GTF2H2C: variants seen among roughly 807,000 people sequenced by gnomAD.
GTF2H2C encodes the protein general transcription factor IIH subunit 2-like protein.
A neutral mutation model predicts 24.8 loss-of-function variants in GTF2H2C; 5 were observed. The ratio of observed to expected loss-of-function variants is 0.20; its 90% CI spans 0.11 to 0.42. GTF2H2C has a LOEUF of 0.42. Among genes scored for constraint, GTF2H2C ranks in the 20% least tolerant of loss-of-function variants. The pLI is 1.00. For missense variants in GTF2H2C, 45 were observed against 169.8 expected, an observed-to-expected ratio of 0.27 and a Z score of 4.08; for synonymous variants, 14 against 52.6, an observed-to-expected ratio of 0.27 and a Z score of 3.18.
At position 69,571,362 on chromosome 5, in the gene GTF2H2C, AT is replaced by A. The variant is rs1344367885; in HGVS notation, c.365-1082del. Among the ~76,000 whole-genome samples the A allele has an allele frequency of 1.6e-3, 71 of 43,522 alleles. 1 individual carries two copies. Among genetic ancestry groups the A allele is most frequent in the African/African-American group, 4.2e-3 (61 of 14,372 alleles). 28.6% of individuals were successfully genotyped at this position (43,522 alleles called of 152,430 possible). ...ATCTAAATATAAATAATATAAAAAAATATTATATTAAAAAGAAAAAAAAGGA... is the reference window on the plus strand; with the variant it reads ...ATCTAAATATAAATAATATAAAAAAAATTATATTAAAAAGAAAAAAAAGGA... On this transcript the variant is annotated intron_variant, in intron 8 of 16. Transcript: ENST00000380729.
intron 15 of GTF2H2C, among the ~76,000 whole-genome samples, chr5:69,586,732 AC>A (rs377112207): frequency 0.15 from 2,297 of 14,848 alleles, 2 homozygotes; most frequent in Admixed American, 0.21. Flanking sequence ...TACATATTTA[AC>A]AATATATCCT....
At chr5:69,561,154 G>A (rs1770310380) in intron 1 of GTF2H2C, among the ~76,000 whole-genome samples, 1 of 151,988 alleles carries the variant, frequency 6.6e-6, no homozygotes, top group Admixed American at 6.6e-5. Context: ...CCTTTAAACA[G>A]CATGCATGTT....
At position 69,560,273 on chromosome 5, in the gene GTF2H2C, C is replaced by G. The variant is rs1283380053; in HGVS notation, c.-262C>G. ...TCCGCGTGTGGAAGTCTGTGAGGCG[C>G]AGAGGTGGGGCAGGCCGTCTGACTA... On this transcript the variant is annotated 5_prime_UTR_variant, in exon 1 of 17. Coordinates refer to ENST00000380729, the MANE Select transcript of GTF2H2C (RefSeq NM_001376000.2). 1 of 152,394 alleles carries G rather than the reference C, an allele frequency of 6.6e-6. No homozygotes were observed. Among genetic ancestry groups the G allele is most frequent in the African/African-American group, 2.4e-5 (1 of 41,342 alleles). The allele number at this position is 152,394 out of a possible 1,614,324, so 9.4% of individuals were successfully genotyped here.
intron 8 of GTF2H2C, chr5:69,569,724 C>T (rs1339446634): frequency 1.2e-5 from 1 of 82,246 alleles, no homozygotes; most frequent in African/African-American, 2.9e-5. Context: ...CTCACTCTGT[C>T]GCCCAGGCGG....
intron 9 of GTF2H2C, among the ~76,000 whole-genome samples, chr5:69,577,511 C>A (rs1433587305): frequency 1.5e-5 from 2 of 131,266 alleles, no homozygotes; most frequent in South Asian, 2.5e-4. Flanking sequence ...CTGTAAGCTC[C>A]GCCTCCTGGG....
intron 5 of GTF2H2C, 41 bp downstream of exon 5, chr5:69,566,666 T>G (rs1770788703): frequency 9.4e-7 from 1 of 1,069,146 alleles, no homozygotes; most frequent in African/African-American, 2.1e-5. Flanking sequence ...AGAACTAGTT[T>G]AGGTTAGAGA....
intron 2 of GTF2H2C, among the ~76,000 whole-genome samples, chr5:69,563,262 T>A (rs1190752253): frequency 7.1e-6 from 1 of 140,974 alleles, no homozygotes; most frequent in Non-Finnish European, 1.5e-5. Flanking sequence ...TCACCCAGGC[T>A]GGAGTGAAGT....
chr5:69,563,201 C>G (rs75950812), intron 2 of GTF2H2C, among the ~76,000 whole-genome samples: 1 of 139,582 alleles, frequency 7.2e-6, no homozygotes, highest in African/African-American at 2.6e-5. Flanking sequence ...CCATCATACC[C>G]GGCCTGGTTT....
intron 15 of GTF2H2C, among the ~76,000 whole-genome samples, chr5:69,586,890 GA>G (rs1363505437): frequency 9.4e-5 from 3 of 32,064 alleles, no homozygotes; most frequent in Non-Finnish European, 1.7e-4. Context: ...TCTTAAAAAA[GA>G]AAAAAAAAGC....
intron 2 of GTF2H2C, 117 bp from the exon 3 acceptor site, chr5:69,564,983 A>C: frequency 1.3e-6 from 1 of 787,002 alleles, no homozygotes; most frequent in Non-Finnish European, 2.0e-6. Flanking sequence ...TACAAAGAAT[A>C]AGATGACCTG....
chr5:69,572,715 T>G (rs1207877604), intron 9 of GTF2H2C, 165 bp downstream of exon 9: 1 of 241,752 alleles, frequency 4.1e-6, no homozygotes, highest in Non-Finnish European at 7.1e-6. Context: ...GGTTAGTAAT[T>G]TTTATTTTAC....
At position 69,566,192 on chromosome 5, in the gene GTF2H2C, A is replaced by C. The variant is rs1770745783; in HGVS notation, c.118A>C (p.Lys40Gln). 3 of 1,609,426 alleles carry C rather than the reference A, an allele frequency of 1.9e-6. No individual in the cohort carries two copies. In the East Asian group the frequency reaches 6.7e-5, roughly 36 times the overall value. ...LKATIEDILF[K>Q]AKRKRVFEHH... ...AGCTACAATAGAAGACATTCTATTC[A>C]AGGCAAAGAGAAAAAGGTATGTAAC... The change falls in exon 4 of 17, where the codon AAG becomes CAG. Residue 40 changes from lysine (K) to glutamine (Q), a missense_variant. Coordinates refer to ENST00000380729, the MANE Select transcript of GTF2H2C (RefSeq NM_001376000.2).
intron 1 of GTF2H2C, among the ~76,000 whole-genome samples, chr5:69,562,429 C>A (rs1770427866): frequency 6.6e-6 from 1 of 151,710 alleles, no homozygotes; most frequent in Non-Finnish European, 1.5e-5. Context: ...AAATATAAAA[C>A]ATGGCAAAAC....
At chr5:69,573,066 A>C (rs182708393) in intron 9 of GTF2H2C, among the ~76,000 whole-genome samples, 6,031 of 140,694 alleles carry the variant, frequency 0.043, 415 homozygotes, top group African/African-American at 0.15. Flanking sequence ...TATATATATA[A>C]TTTATTATAC....
At chr5:69,579,935 T>C in intron 12 of GTF2H2C, 71 bp downstream of exon 12, 1 of 1,427,042 alleles carries the variant, frequency 7.0e-7, no homozygotes, top group Non-Finnish European at 9.5e-7. Context: ...GTTATTTTAA[T>C]ATTTAAGAAT....
In GTF2H2C at chr5:69,582,718, AT is replaced by A. The variant is rs1292876542; in HGVS notation, c.821+300del. ...AAACTTAAAAGGGGTGGAGGGGGAA[AT>A]TTTTTTTTTTAATGTTTACCTCAGT... On this transcript the variant is annotated intron_variant, in intron 13 of 16. Transcript: ENST00000380729. Among the ~76,000 whole-genome samples, 19 of 23,848 alleles carry A rather than the reference AT, an allele frequency of 8.0e-4. 1 individual carries two copies. Among genetic ancestry groups the A allele is most frequent in the African/African-American group, 2.1e-3 (12 of 5,822 alleles). 15.6% of individuals were successfully genotyped at this position (23,848 alleles called of 152,430 possible).
intron 13 of GTF2H2C, among the ~76,000 whole-genome samples, chr5:69,583,937 AAAAG>A (rs1193482347): frequency 1.6e-4 from 2 of 12,830 alleles, no homozygotes; most frequent in African/African-American, 4.2e-4. Flanking sequence ...AAAAAAAAGA[AAAAG>A]AAAAAATCCA....
intron 12 of GTF2H2C, 135 bp downstream of exon 12, chr5:69,579,999 GA>G (rs1377607565): frequency 9.8e-4 from 580 of 593,564 alleles, no homozygotes; most frequent in Non-Finnish European, 1.1e-3. Flanking sequence ...CAGAGAAGTG[GA>G]AAAAAAAAAT....
At chr5:69,568,381 T>A in intron 8 of GTF2H2C, 174 bp downstream of exon 8, 1 of 554,686 alleles carries the variant, frequency 1.8e-6, no homozygotes, top group South Asian at 2.4e-5. Context: ...GATACAAGGT[T>A]AACTATTCTA....
Sources: allele counts gnomAD v4.1 joint callset (sites outside exome capture counted in the v4.1 genomes callset), GRCh38; gene constraint gnomAD v4.1.1; transcripts MANE v1.5; gene names NCBI Gene and HGNC (gene_info 2026-07-23, HGNC 2026-07-21).